RAB27B: variants seen among roughly 807,000 people sequenced by gnomAD.
RAB27B encodes the protein ras-related protein Rab-27B.
RAB27B carries 15 observed loss-of-function variants against 24.6 expected under a neutral mutation model. The observed-to-expected ratio is 0.61, with a 90% CI of 0.41 to 0.94. The LOEUF is 0.94. Ranked by LOEUF, RAB27B falls within the 40% of genes least tolerant of loss-of-function variation. RAB27B has a pLI of 0.00. For missense variants in RAB27B, 261 were observed against 266.8 expected (o/e 0.98, Z 0.15); for synonymous variants, 105 against 92.5 (o/e 1.14, Z -0.78).
chr18:54,722,321 G>T (rs1909385384), intron 2 of RAB27B, among the ~76,000 whole-genome samples: 1 of 152,154 alleles, frequency 6.6e-6, no homozygotes, highest in South Asian at 2.1e-4. Context: ...CCTCAGCTAG[G>T]ATCTTTGTTA....
intron 1 of RAB27B, among the ~76,000 whole-genome samples, chr18:54,853,934 A>G (rs1208456610): frequency 6.6e-6 from 1 of 152,108 alleles, no homozygotes; most frequent in Non-Finnish European, 1.5e-5. Flanking sequence ...TTACATCTAG[A>G]ATCCAGTAAT....
chr18:54,799,283 C>T (rs902538095), intron 2 of RAB27B, among the ~76,000 whole-genome samples: 1 of 152,052 alleles, frequency 6.6e-6, no homozygotes, highest in African/African-American at 2.4e-5. Flanking sequence ...AGAAAATGTA[C>T]CCCTAACTTA....
At chr18:54,813,455 C>T (rs532608159) in intron 2 of RAB27B, among the ~76,000 whole-genome samples, 2 of 152,276 alleles carry the variant, frequency 1.3e-5, no homozygotes, top group East Asian at 1.9e-4. Flanking sequence ...TCATGAATGG[C>T]TTCGTGCCCT....
At chr18:54,874,148 G>A (rs1912595665) in intron 1 of RAB27B, among the ~76,000 whole-genome samples, 1 of 152,138 alleles carries the variant, frequency 6.6e-6, no homozygotes, top group African/African-American at 2.4e-5. Flanking sequence ...GTTAGCAAGT[G>A]GTAATAGTCT....
intron 1 of RAB27B, among the ~76,000 whole-genome samples, chr18:54,856,417 A>T (rs1911788474): frequency 6.6e-6 from 1 of 152,196 alleles, no homozygotes; most frequent in African/African-American, 2.4e-5. Context: ...TTTAGGTTCT[A>T]TTTTCAGTTT....
intron 2 of RAB27B, among the ~76,000 whole-genome samples, chr18:54,800,460 T>C (rs1909565421): frequency 6.6e-6 from 1 of 152,236 alleles, no homozygotes. Context: ...TCCCCACCAA[T>C]GCTCCACAGC....
At position 54,866,046 on chromosome 18, in the gene RAB27B, G is replaced by C. The variant is rs199627279; in HGVS notation, c.-19-11521G>C. On this transcript the variant is annotated intron_variant, in intron 1 of 5. Coordinates refer to ENST00000262094, the MANE Select transcript of RAB27B (RefSeq NM_004163.4). ...AAAATAAAGACAGATACCTCATGCT[G>C]TATTATCAACATTCTGGAAAGTTTT... 6.6e-5 allele frequency among the ~76,000 whole-genome samples: 10 copies of C among 152,182 alleles called. No homozygotes were observed. In the East Asian group the frequency reaches 7.7e-4, roughly 12 times the overall value.
At chr18:54,857,693 C>T (rs548640622) in intron 1 of RAB27B, among the ~76,000 whole-genome samples, 4 of 152,220 alleles carry the variant, frequency 2.6e-5, no homozygotes, top group Non-Finnish European at 5.9e-5. Flanking sequence ...CATGTGTGTG[C>T]ATTCATGTGT....
intron 2 of RAB27B, among the ~76,000 whole-genome samples, chr18:54,781,296 C>T (rs1207142837): frequency 6.6e-6 from 1 of 151,978 alleles, no homozygotes; most frequent in African/African-American, 2.4e-5. Context: ...TGTCGGTTTT[C>T]TCTGACAACT....
At chr18:54,769,941 C>G (rs564998376) in intron 2 of RAB27B, among the ~76,000 whole-genome samples, 1 of 152,120 alleles carries the variant, frequency 6.6e-6, no homozygotes, top group Non-Finnish European at 1.5e-5. Context: ...AATCTTGGCT[C>G]AATGCAACCT....
chr18:54,797,530 TATAAA>T (rs1269280334), intron 2 of RAB27B, among the ~76,000 whole-genome samples: 1 of 152,144 alleles, frequency 6.6e-6, no homozygotes, highest in Non-Finnish European at 1.5e-5. Flanking sequence ...AAAGATAAGA[TATAAA>T]ATAAAATGCA....
chr18:54,865,558 A>G (rs1267575026), intron 1 of RAB27B, among the ~76,000 whole-genome samples: 1 of 152,216 alleles, frequency 6.6e-6, no homozygotes, highest in African/African-American at 2.4e-5. Context: ...AAATTGGACA[A>G]GGAGCCAAAT....
At chr18:54,720,965 A>G (rs1054854011) in intron 2 of RAB27B, among the ~76,000 whole-genome samples, 2 of 152,136 alleles carry the variant, frequency 1.3e-5, no homozygotes, top group Admixed American at 6.5e-5. Context: ...AAATGAGAGT[A>G]TGTAAGTGAT....
At chr18:54,805,648 T>A (rs1336280840) in intron 2 of RAB27B, among the ~76,000 whole-genome samples, 1 of 152,156 alleles carries the variant, frequency 6.6e-6, no homozygotes, top group Non-Finnish European at 1.5e-5. Context: ...AATTTGTGAG[T>A]TCAGGAATCA....
At chr18:54,742,181 A>G (rs957838746) in intron 2 of RAB27B, among the ~76,000 whole-genome samples, 2 of 152,234 alleles carry the variant, frequency 1.3e-5, no homozygotes, top group African/African-American at 4.8e-5. Flanking sequence ...ATTGTTTGCA[A>G]AATGACTTAA....
chr18:54,767,324 G>A (rs1345104091), intron 2 of RAB27B, among the ~76,000 whole-genome samples: 5 of 152,078 alleles, frequency 3.3e-5, no homozygotes, highest in Non-Finnish European at 7.4e-5. Context: ...GTGTGTGGTG[G>A]GCAGTATTGA....
chr18:54,855,632 A>G (rs746661917), intron 1 of RAB27B, among the ~76,000 whole-genome samples: 1 of 152,174 alleles, frequency 6.6e-6, no homozygotes, highest in Non-Finnish European at 1.5e-5. Flanking sequence ...TTTGCTGAGC[A>G]TGGTTCTGAA....
intron 2 of RAB27B, among the ~76,000 whole-genome samples, chr18:54,802,819 C>T (rs896202266): frequency 5.3e-5 from 8 of 152,172 alleles, no homozygotes; most frequent in Non-Finnish European, 7.3e-5. Context: ...AGCTCTTCAA[C>T]GTAGCAAGAG....
chr18:54,879,036 A>G (rs1427647728), intron 2 of RAB27B, among the ~76,000 whole-genome samples: 1 of 152,198 alleles, frequency 6.6e-6, no homozygotes, highest in Admixed American at 6.5e-5. Flanking sequence ...TAGAGATAAG[A>G]AAATAAGACT....
Sources: gnomAD v4.1 joint callset for allele counts (sites outside exome capture counted in the v4.1 genomes callset) on GRCh38, gnomAD v4.1.1 for gene constraint, MANE v1.5 for transcripts, NCBI Gene and HGNC (gene_info 2026-07-23, HGNC 2026-07-21) for gene names.